The following VAV3 variants were observed in gnomAD, a reference collection of about 807,000 sequenced individuals.
VAV3 encodes guanine nucleotide exchange factor VAV3.
A neutral mutation model predicts 131.2 loss-of-function variants in VAV3; 94 were observed. The observed-to-expected ratio is 0.72, with a 90% CI of 0.61 to 0.85. VAV3 has a LOEUF of 0.85. VAV3 is among the 40% of genes least tolerant of loss of function. The probability of loss-of-function intolerance (pLI) is 0.00; values close to 1 mark genes in which losing one functional copy is unlikely to be tolerated. For synonymous variants in VAV3, 349 were observed against 342.0 expected (o/e 1.02, Z -0.22); for missense variants, 939 against 1,002.7 (o/e 0.94, Z 0.86).
chr1:107,757,257 C>G lies in VAV3; in HGVS notation c.1086+4G>C. 6.2e-7 allele frequency: 1 copy of G among 1,611,922 alleles called. No homozygotes were observed. The highest frequency in any genetic ancestry group is 1.1e-5 in the South Asian group (1 of 90,716). ...CAAACAAATTACTGATGAATCTGCC[C>G]TACCTTCATGGCATCAAGAGCCAGT... On this transcript the variant is annotated splice_donor_region_variant and intron_variant, in intron 11 of 26. Coordinates refer to ENST00000370056, the MANE Select transcript of VAV3 (RefSeq NM_006113.5).
intron 15 of VAV3, among the ~76,000 whole-genome samples, chr1:107,713,528 T>TA (rs1016903799): frequency 1.3e-5 from 2 of 151,838 alleles, no homozygotes; most frequent in African/African-American, 2.4e-5. Flanking sequence ...GGCAATTTGT[T>TA]AAAAAAATAA....
intron 1 of VAV3, among the ~76,000 whole-genome samples, chr1:107,918,499 G>A (rs952028759): frequency 6.6e-6 from 1 of 151,982 alleles, no homozygotes; most frequent in Admixed American, 6.5e-5. Flanking sequence ...GGAATGGGGA[G>A]GGGCTGTGGG....
chr1:107,960,778 T>C (rs56357841), intron 1 of VAV3, among the ~76,000 whole-genome samples: 16,968 of 152,162 alleles, frequency 0.11, 1,780 homozygotes, highest in African/African-American at 0.28. Flanking sequence ...CCTGTGTTCC[T>C]TCACTCGCTT....
intron 2 of VAV3, among the ~76,000 whole-genome samples, chr1:107,843,514 T>C (rs1668819613): frequency 6.7e-6 from 1 of 148,220 alleles, no homozygotes; most frequent in Non-Finnish European, 1.5e-5. Flanking sequence ...AGATTAAAAA[T>C]GTATGTGTGC....
chr1:107,815,603 C>A (rs1313006602), intron 2 of VAV3, among the ~76,000 whole-genome samples: 1 of 152,130 alleles, frequency 6.6e-6, no homozygotes, highest in Non-Finnish European at 1.5e-5. Flanking sequence ...AAATAAGAAT[C>A]CTTATTGATA....
chr1:107,593,236 C>T (rs1651107780), intron 25 of VAV3, among the ~76,000 whole-genome samples: 1 of 152,056 alleles, frequency 6.6e-6, no homozygotes, highest in Non-Finnish European at 1.5e-5. Flanking sequence ...ATAAGATAGT[C>T]CTGTCATAAT....
chr1:107,919,963 T>C (rs1350169309), intron 1 of VAV3, among the ~76,000 whole-genome samples: 7 of 152,196 alleles, frequency 4.6e-5, no homozygotes, highest in Admixed American at 3.9e-4. Flanking sequence ...GTGACTTTCT[T>C]ACAAAATAAT....
intron 19 of VAV3, among the ~76,000 whole-genome samples, chr1:107,665,961 A>C (rs1005358816): frequency 1.3e-5 from 2 of 152,230 alleles, no homozygotes; most frequent in Non-Finnish European, 2.9e-5. Flanking sequence ...TTGTGAGGAA[A>C]AAGGAAACTA....
chr1:107,724,884 T>C (rs1377860711), intron 15 of VAV3, among the ~76,000 whole-genome samples: 3 of 22,006 alleles, frequency 1.4e-4, no homozygotes, highest in African/African-American at 2.0e-4. Flanking sequence ...TAAATGCCAT[T>C]TGTGCATATA....
rs55774613 is a variant in VAV3, at chr1:107,925,158, A to T, written c.204+39508T>A. 6.5e-3 allele frequency among the ~76,000 whole-genome samples: 989 copies of T among 152,280 alleles called. 10 individuals are homozygous for T. The highest frequency in any genetic ancestry group is 0.022 in the African/African-American group (912 of 41,546). On this transcript the variant is annotated intron_variant, in intron 1 of 26. Coordinates refer to ENST00000370056, the MANE Select transcript of VAV3 (RefSeq NM_006113.5). ...GTGTGATTCTATTTACGTACACTTA[A>T]AAAAAAGAAATCAGAAAAACTAATC...
At chr1:107,843,234 T>C (rs1212726707) in intron 2 of VAV3, among the ~76,000 whole-genome samples, 3 of 151,886 alleles carry the variant, frequency 2.0e-5, no homozygotes, top group Admixed American at 6.6e-5. Flanking sequence ...TAAACACACA[T>C]CCTGAGTAAG....
chr1:107,755,244 C>A (rs1570902538), intron 12 of VAV3, among the ~76,000 whole-genome samples, 183 bp downstream of exon 12: 1 of 152,074 alleles, frequency 6.6e-6, no homozygotes, highest in African/African-American at 2.4e-5. Flanking sequence ...ATCACAAAGT[C>A]CCTAGACACA....
At chr1:107,913,799 AATT>A (rs972721504) in intron 1 of VAV3, among the ~76,000 whole-genome samples, 12 of 152,106 alleles carry the variant, frequency 7.9e-5, no homozygotes, top group African/African-American at 2.9e-4. Flanking sequence ...TATTTTTTTT[AATT>A]ATTATTATTT....
chr1:107,629,388 C>T (rs1654270589), intron 20 of VAV3, among the ~76,000 whole-genome samples: 1 of 152,118 alleles, frequency 6.6e-6, no homozygotes, highest in Non-Finnish European at 1.5e-5. Flanking sequence ...GAAGGATATT[C>T]TCAGGAGTTA....
chr1:107,663,088 C>CA (rs1184805167), intron 19 of VAV3, among the ~76,000 whole-genome samples: 1 of 151,914 alleles, frequency 6.6e-6, no homozygotes, highest in Admixed American at 6.6e-5. Context: ...TTGTATAAAC[C>CA]AAAAAACGTA....
intron 20 of VAV3, among the ~76,000 whole-genome samples, chr1:107,620,125 T>C (rs1267873978): frequency 6.6e-6 from 1 of 152,188 alleles, no homozygotes; most frequent in African/African-American, 2.4e-5. Context: ...GTGAGTTCCT[T>C]GGCATAAGGG....
At chr1:107,731,696 C>T (rs1055470071) in intron 15 of VAV3, among the ~76,000 whole-genome samples, 1 of 152,142 alleles carries the variant, frequency 6.6e-6, no homozygotes, top group Non-Finnish European at 1.5e-5. Context: ...ATTTCAGAGG[C>T]AGTCCGTCCC....
At chr1:107,579,500 T>C (rs1649885468) in intron 25 of VAV3, among the ~76,000 whole-genome samples, 2 of 152,186 alleles carry the variant, frequency 1.3e-5, no homozygotes, top group Admixed American at 1.3e-4. Context: ...CGTTCAGCCC[T>C]CCTTGTCGCC....
At position 107,779,479 on chromosome 1, in the gene VAV3, A is replaced by G; in HGVS notation, c.335T>C (p.Leu112Ser). The G allele has an allele frequency of 6.3e-7, 1 of 1,590,064 alleles. No individual in the cohort carries two copies. Among genetic ancestry groups the G allele is most frequent in the Non-Finnish European group, 8.6e-7 (1 of 1,167,852 alleles). Residue 112 changes from leucine to serine, a missense_variant, in exon 3 of 27, where the codon TTA becomes TCA. By Grantham distance (145) the Leu-to-Ser change is moderately radical (BLOSUM62 -2). Transcript: ENST00000370056. ...TATAGGTGTTCGAGAAAGTCGTGATAATGTTTCTATAACCTGAGAAAAGAG... is the reference window on the plus strand; with the variant it reads ...TATAGGTGTTCGAGAAAGTCGTGATGATGTTTCTATAACCTGAGAAAAGAG... ...VRDFGKVIET[L>S]SRLSRTPIAL...
Sources: gnomAD v4.1 joint callset for allele counts (sites outside exome capture counted in the v4.1 genomes callset) on GRCh38, gnomAD v4.1.1 for gene constraint, MANE v1.5 for transcripts, NCBI Gene and HGNC (gene_info 2026-07-23, HGNC 2026-07-21) for gene names.